NLRP8: variants seen among roughly 807,000 people sequenced by gnomAD.
NLRP8 encodes NACHT, LRR and PYD domains-containing protein 8.
NLRP8 carries 86 observed loss-of-function variants against 88.7 expected under a neutral mutation model. That is an observed-to-expected ratio of 0.97 (90% CI 0.81 to 1.16). NLRP8 has a LOEUF of 1.16. Among genes scored for constraint, NLRP8 ranks in the 50% most tolerant of loss-of-function variants. The probability of loss-of-function intolerance (pLI) is 0.00; values close to 1 mark genes in which losing one functional copy is unlikely to be tolerated. For missense variants in NLRP8, 1,342 were observed against 1,286.5 expected (o/e 1.04, Z -0.66); for synonymous variants, 504 against 494.6 (o/e 1.02, Z -0.25).
At chr19:55,986,223 T>TA (rs1348246890) in intron 9 of NLRP8, among the ~76,000 whole-genome samples, 1 of 151,582 alleles carries the variant, frequency 6.6e-6, no homozygotes, top group African/African-American at 2.4e-5. Flanking sequence ...CACAAAAAAT[T>TA]AAAAAATGCC....
At chr19:55,959,632 G>A (rs1226903285) in intron 3 of NLRP8, among the ~76,000 whole-genome samples, 1 of 152,182 alleles carries the variant, frequency 6.6e-6, no homozygotes, top group Admixed American at 6.5e-5. Context: ...CAAACTGAGG[G>A]TCAGGCTGCT....
At position 55,955,345 on chromosome 19, in the gene NLRP8, G is replaced by T. The variant is rs1979295383; in HGVS notation, c.1287G>T (p.Arg429=). The T allele has an allele frequency of 1.2e-6, 2 of 1,614,170 alleles. No homozygotes were observed. The highest frequency in any genetic ancestry group is 1.7e-6 in the Non-Finnish European group (2 of 1,180,032). Residue 429 remains arginine, a synonymous_variant, in exon 3 of 10, where the codon CGG becomes CGT. Coordinates refer to ENST00000291971, the MANE Select transcript of NLRP8 (RefSeq NM_176811.2). ...CAAATGCCACCTCTGTGTTCGTCCG[G>T]TATATTTCTAGCTTGTTTCCCACCA...
intron 3 of NLRP8, among the ~76,000 whole-genome samples, chr19:55,958,007 T>G (rs1200261468): frequency 6.6e-6 from 1 of 152,132 alleles, no homozygotes; most frequent in African/African-American, 2.4e-5. Flanking sequence ...TTATGTGAAT[T>G]ATTTCTCCCT....
chr19:55,962,224 C>A lies in NLRP8; in HGVS notation c.2200C>A (p.Leu734Met). 6.2e-7 allele frequency: 1 copy of A among 1,613,268 alleles called. No individual in the cohort carries two copies. The highest frequency in any genetic ancestry group is 8.5e-7 in the Non-Finnish European group (1 of 1,179,820). ...CGCACTGAGGCACCCTCAGTGCAAA[C>A]TGCAAAAGCTACTGTGAGTATAACA... The change falls in exon 4 of 10, where the codon CTG (leucine) becomes ATG (methionine). Residue 734 changes from leucine to methionine, a missense_variant. Coordinates refer to ENST00000291971, the MANE Select transcript of NLRP8 (RefSeq NM_176811.2).
chr19:55,950,789 C>T (rs148764595), intron 1 of NLRP8, among the ~76,000 whole-genome samples: 165 of 152,144 alleles, frequency 1.1e-3, no homozygotes, highest in Non-Finnish European at 2.1e-3. Context: ...GTCTGAAAGG[C>T]CGAGGTGGGG....
intron 1 of NLRP8, among the ~76,000 whole-genome samples, chr19:55,948,543 C>A (rs931427644): frequency 6.6e-6 from 1 of 152,244 alleles, no homozygotes; most frequent in Non-Finnish European, 1.5e-5. Flanking sequence ...ACAGGTGATT[C>A]TCCTGCCTCA....
intron 7 of NLRP8, among the ~76,000 whole-genome samples, chr19:55,974,747 A>AAAG (rs1169077686): frequency 4.6e-5 from 7 of 151,506 alleles, no homozygotes; most frequent in Admixed American, 3.9e-4. Flanking sequence ...AAAAAAAAAA[A>AAAG]AAAGAAAGAA....
Position 55,987,899 on chromosome 19 carries a change from C to G in NLRP8, c.3133C>G (p.Gln1045Glu). ...CACGGGAAAAAGTGACTGCCTATCCCAGATTAATCCTTAGGCCGTCCAGTC... is the reference window on the plus strand; with the variant it reads ...CACGGGAAAAAGTGACTGCCTATCCGAGATTAATCCTTAGGCCGTCCAGTC... Residue 1045 changes from glutamine (Q) to glutamate (E), a missense_variant, in exon 10 of 10, where the codon CAG becomes GAG. Gln to Glu is a conservative substitution (Grantham distance 29). Coordinates refer to ENST00000291971, the MANE Select transcript of NLRP8 (RefSeq NM_176811.2). 6.2e-7 allele frequency: 1 copy of G among 1,613,062 alleles called. No homozygotes were observed. The highest frequency in any genetic ancestry group is 8.5e-7 in the Non-Finnish European group (1 of 1,179,082).
In NLRP8 at chr19:55,954,880, T is replaced by A. The variant is rs1363548426; in HGVS notation, c.822T>A (p.Ile274=). The change falls in exon 3 of 10, where the codon ATT becomes ATA. Residue 274 remains isoleucine (I), a synonymous_variant. Coordinates refer to ENST00000291971, the MANE Select transcript of NLRP8 (RefSeq NM_176811.2). Reference sequence around the variant, plus strand: ...GATCTCAGGACCTCGTGTCAAAGATTATGTCCAAACCCGACCAACTTCTGC... The same window carrying A: ...GATCTCAGGACCTCGTGTCAAAGATAATGTCCAAACCCGACCAACTTCTGC... 6.2e-7 allele frequency: 1 copy of A among 1,614,126 alleles called. No homozygotes were observed. Among genetic ancestry groups the A allele is most frequent in the East Asian group, 2.2e-5 (1 of 44,874 alleles).
intron 5 of NLRP8, 35 bp from the exon 6 acceptor site, chr19:55,970,509 A>T (rs1464581253): frequency 6.2e-7 from 1 of 1,610,794 alleles, no homozygotes; most frequent in Admixed American, 1.7e-5. Context: ...TTTTCCCCAG[A>T]ACCATGGCTC....
At chr19:55,960,939 T>C (rs1979582855) in intron 3 of NLRP8, among the ~76,000 whole-genome samples, 1 of 138,516 alleles carries the variant, frequency 7.2e-6, no homozygotes, top group Non-Finnish European at 1.5e-5. Context: ...TCTCACACTG[T>C]CACCCGGGCT....
rs549483375 is a variant in NLRP8 at position 55,973,220 on chromosome 19, C to T, written c.2535-432C>T. On this transcript the variant is annotated intron_variant, in intron 6 of 9. Transcript: ENST00000291971. ...TACTTAGTCATGTCAAGCATTTTTC[C>T]ATTTGCTTTTTGGCCATTTGTGTAT... is the stretch of plus-strand genomic sequence containing the variant. Among the ~76,000 whole-genome samples, 4 of 152,226 alleles carry T rather than the reference C, an allele frequency of 2.6e-5. No individual in the cohort carries two copies. The East Asian group carries it at 7.7e-4, about 29-fold the overall frequency.
chr19:55,969,014 C>G (rs1979962558), intron 5 of NLRP8, among the ~76,000 whole-genome samples: 1 of 152,136 alleles, frequency 6.6e-6, no homozygotes, highest in Non-Finnish European at 1.5e-5. Context: ...CCAACAGGCA[C>G]TGGCAAACAC....
At position 55,954,799 on chromosome 19, in the gene NLRP8, G is replaced by C; in HGVS notation, c.741G>C (p.Glu247Asp). ...GTGCTTTCTACTTCCATTGCCAAGAGGTGAACCAGACGACAGACCAGAGCT... is the reference window on the plus strand; with the variant it reads ...GTGCTTTCTACTTCCATTGCCAAGACGTGAACCAGACGACAGACCAGAGCT... The change falls in exon 3 of 10, where the codon GAG (glutamate) becomes GAC (aspartate). Residue 247 changes from glutamate to aspartate, a missense_variant. Coordinates refer to ENST00000291971, the MANE Select transcript of NLRP8 (RefSeq NM_176811.2). 1.2e-6 allele frequency: 2 copies of C among 1,614,158 alleles called. No individual in the cohort carries two copies. Among genetic ancestry groups the C allele is most frequent in the Non-Finnish European group, 1.7e-6 (2 of 1,180,036 alleles).
intron 5 of NLRP8, among the ~76,000 whole-genome samples, chr19:55,966,688 G>A (rs915060046): frequency 4.6e-5 from 7 of 151,836 alleles, no homozygotes; most frequent in South Asian, 2.1e-4. Flanking sequence ...CTGTAATTAC[G>A]GGCTGTAATC....
At position 55,988,440 on chromosome 19, in the gene NLRP8, G is replaced by GTATATATATATATA. The variant is rs1445801696; in HGVS notation, c.*528_*529insATATATATATATAT. 50 of 100,524 alleles carry GTATATATATATATA rather than the reference G, an allele frequency of 5.0e-4. 1 individual carries two copies. Among genetic ancestry groups the GTATATATATATATA allele is most frequent in the South Asian group, 3.1e-3 (10 of 3,178 alleles). The allele number at this position is 100,524 out of a possible 1,614,324, so 6.2% of individuals were successfully genotyped here. A position where few individuals can be genotyped will look rare whatever the true frequency, so the allele number is the denominator to read the frequency against. On this transcript the variant is annotated 3_prime_UTR_variant, in exon 10 of 10. Coordinates refer to ENST00000291971, the MANE Select transcript of NLRP8 (RefSeq NM_176811.2). ...TATACACATAAATATATATATGTGT[G>GTATATATATATATA]TGTGTATATATATATATATATATAT...
chr19:55,962,259 C>G, intron 4 of NLRP8, 22 bp downstream of exon 4: 1 of 1,603,352 alleles, frequency 6.2e-7, no homozygotes, highest in Non-Finnish European at 8.5e-7. Context: ...ACAAATCCCA[C>G]TGGAAGGAAC....
At chr19:55,962,309 C>T (rs1055032502) in intron 4 of NLRP8, 72 bp downstream of exon 4, 22 of 1,464,340 alleles carry the variant, frequency 1.5e-5, no homozygotes, top group Non-Finnish European at 2.0e-5. Context: ...TTTCTTCATT[C>T]CCTCTCCACT....
chr19:55,986,498 A>ACG, intron 9 of NLRP8, among the ~76,000 whole-genome samples: 2 of 151,266 alleles, frequency 1.3e-5, no homozygotes, highest in East Asian at 3.9e-4. Context: ...ACACACACAC[A>ACG]CACACACACA....
Sources: allele counts gnomAD v4.1 joint callset (sites outside exome capture counted in the v4.1 genomes callset), GRCh38; gene constraint gnomAD v4.1.1; transcripts MANE v1.5; gene names NCBI Gene and HGNC (gene_info 2026-07-23, HGNC 2026-07-21).